NLGN4X: variants seen among roughly 807,000 people sequenced by gnomAD.
NLGN4X encodes the protein neuroligin-4, X-linked.
NLGN4X carries 3 observed loss-of-function variants against 40.3 expected under a neutral mutation model. That is an observed-to-expected ratio of 0.07 (90% CI 0.03 to 0.19). The LOEUF (loss-of-function observed/expected upper bound fraction) is 0.19, where lower values mean the gene tolerates loss of function less well. Ranked by LOEUF, NLGN4X falls within the 10% of genes least tolerant of loss-of-function variation. The pLI, the probability that NLGN4X is intolerant of heterozygous loss-of-function variation, is 1.00. For synonymous variants in NLGN4X, 270 were observed against 306.8 expected (o/e 0.88, Z 1.25); for missense variants, 382 against 708.3 (o/e 0.54, Z 5.23).
chrX:5,951,712 G>C (rs910092782), intron 3 of NLGN4X, among the ~76,000 whole-genome samples: 1 of 111,032 alleles, frequency 9.0e-6, no homozygotes, highest in African/African-American at 3.3e-5. Context: ...TAAAAGGGAC[G>C]AGGGTGCCCT....
At chrX:6,188,675 A>G (rs1922297621) in intron 1 of NLGN4X, among the ~76,000 whole-genome samples, 1 of 111,764 alleles carries the variant, frequency 8.9e-6, no homozygotes, top group Non-Finnish European at 1.9e-5. Context: ...AGAACTTAGT[A>G]TCAACAATCT....
At chrX:6,054,518 G>A (rs978436468) in intron 2 of NLGN4X, among the ~76,000 whole-genome samples, 2 of 110,841 alleles carry the variant, frequency 1.8e-5, no homozygotes, top group African/African-American at 6.6e-5. Flanking sequence ...TACTTGGGAA[G>A]CTGAGGTGGG....
chrX:5,925,881 C>CATATAT (rs55860509), intron 3 of NLGN4X, among the ~76,000 whole-genome samples: 65 of 19,419 alleles, frequency 3.3e-3, no homozygotes, highest in Admixed American at 0.016. Flanking sequence ...TACATACACA[C>CATATAT]ATATATATAT....
intron 3 of NLGN4X, among the ~76,000 whole-genome samples, chrX:5,984,466 A>C (rs1021026278): frequency 2.8e-4 from 31 of 111,144 alleles, no homozygotes; most frequent in African/African-American, 8.5e-4. Flanking sequence ...ACAGCACCAA[A>C]ATTTGAAGAG....
At chrX:5,947,136 A>G (rs1030867349) in intron 3 of NLGN4X, among the ~76,000 whole-genome samples, 5 of 111,955 alleles carry the variant, frequency 4.5e-5, no homozygotes, top group African/African-American at 1.6e-4. Flanking sequence ...TGCTACAATG[A>G]ACATATGTGC....
chrX:6,174,954 A>C (rs1294473453), intron 1 of NLGN4X, among the ~76,000 whole-genome samples: 1 of 111,648 alleles, frequency 9.0e-6, no homozygotes, highest in Admixed American at 9.5e-5. Context: ...AATAAAAAAA[A>C]AATTGGACAG....
rs187318481 is a variant in NLGN4X, at chrX:6,072,517, T to A, written c.473-43085A>T. ...GAGGACAGAGTGAAAAAAGCATGTT[T>A]GCACAACAGTGTGAATATTGTTAAT... is the stretch of plus-strand genomic sequence containing the variant. On this transcript the variant is annotated intron_variant, in intron 2 of 5. Transcript: ENST00000381095. Among the ~76,000 whole-genome samples the A allele has an allele frequency of 1.3e-3, 144 of 111,947 alleles. 1 individual carries two copies. Among genetic ancestry groups the A allele is most frequent in the African/African-American group, 4.5e-3 (138 of 30,832 alleles).
chrX:5,910,828 C>G (rs913749143), intron 3 of NLGN4X, among the ~76,000 whole-genome samples: 1 of 111,570 alleles, frequency 9.0e-6, no homozygotes, highest in African/African-American at 3.3e-5. Context: ...GAGGCAGCGT[C>G]GCAACTGCGA....
intron 2 of NLGN4X, among the ~76,000 whole-genome samples, chrX:6,063,743 T>C (rs1212715894): frequency 8.9e-6 from 1 of 112,464 alleles, no homozygotes; most frequent in African/African-American, 3.2e-5. Flanking sequence ...TACAGTTGAA[T>C]GCTTAAAAAT....
intron 3 of NLGN4X, among the ~76,000 whole-genome samples, chrX:5,974,136 C>T (rs989732672): frequency 2.7e-5 from 3 of 111,928 alleles, no homozygotes; most frequent in South Asian, 7.5e-4. Context: ...GAAAGGTGGT[C>T]GCTGAAACAA....
intron 1 of NLGN4X, chrX:6,227,142 CG>C: frequency 8.8e-6 from 1 of 113,475 alleles, no homozygotes; most frequent in Non-Finnish European, 1.9e-5. Flanking sequence ...AGCGGGGAGG[CG>C]GGGGAAGAGA....
At chrX:6,007,734 A>C (rs943925695) in intron 3 of NLGN4X, among the ~76,000 whole-genome samples, 14 of 111,563 alleles carry the variant, frequency 1.3e-4, no homozygotes, top group Non-Finnish European at 2.6e-4. Flanking sequence ...TACATATAAA[A>C]TTTTCTCCTT....
intron 3 of NLGN4X, among the ~76,000 whole-genome samples, chrX:5,952,840 T>C (rs1448807505): frequency 1.8e-5 from 2 of 110,957 alleles, no homozygotes; most frequent in African/African-American, 6.6e-5. Context: ...AGTAAAATTG[T>C]ACATGTCCCG....
intron 1 of NLGN4X, among the ~76,000 whole-genome samples, chrX:6,175,655 G>GAAAAAAAAAAAAAAAAAAAAA (rs3045369): frequency 1.3e-4 from 8 of 60,989 alleles, no homozygotes; most frequent in African/African-American, 3.9e-4. Context: ...ATCTATTACA[G>GAAAAAAAAAAAAAAAAAAAAA]AAAAAAAAAA....
intron 2 of NLGN4X, among the ~76,000 whole-genome samples, chrX:6,128,912 A>G (rs778037690): frequency 8.9e-6 from 1 of 112,033 alleles, no homozygotes; most frequent in South Asian, 3.7e-4. Flanking sequence ...GTTACATCCT[A>G]TGGATAAAAT....
chrX:6,000,263 T>G (rs1225271848), intron 3 of NLGN4X, among the ~76,000 whole-genome samples: 1 of 112,429 alleles, frequency 8.9e-6, no homozygotes, highest in Non-Finnish European at 1.9e-5. Context: ...AAGATTGTGT[T>G]GACCACAGGA....
chrX:5,987,037 C>T (rs1032129363), intron 3 of NLGN4X, among the ~76,000 whole-genome samples: 2 of 111,349 alleles, frequency 1.8e-5, no homozygotes, highest in Non-Finnish European at 3.8e-5. Context: ...GTTAATAACA[C>T]GAATTTATAA....
At chrX:6,214,957 T>C (rs1924938205) in intron 1 of NLGN4X, among the ~76,000 whole-genome samples, 1 of 111,851 alleles carries the variant, frequency 8.9e-6, no homozygotes, top group Non-Finnish European at 1.9e-5. Flanking sequence ...ACAGCTAAGG[T>C]GCATTCATCA....
chrX:6,194,607 C>T (rs1922883638), intron 1 of NLGN4X, among the ~76,000 whole-genome samples: 1 of 111,864 alleles, frequency 8.9e-6, no homozygotes, highest in Admixed American at 9.5e-5. Context: ...AATGAGCCAG[C>T]ACATTATTAA....
Sources: gnomAD v4.1 joint callset for allele counts (sites outside exome capture counted in the v4.1 genomes callset) on GRCh38, gnomAD v4.1.1 for gene constraint, MANE v1.5 for transcripts, NCBI Gene and HGNC (gene_info 2026-07-23, HGNC 2026-07-21) for gene names.